Variants in PTPRD observed in about 807,000 individuals in gnomAD.
The protein encoded by PTPRD is receptor-type tyrosine-protein phosphatase delta.
A neutral mutation model predicts 214.5 loss-of-function variants in PTPRD; 34 were observed. The ratio of observed to expected loss-of-function variants is 0.16; its 90% confidence interval spans 0.12 to 0.21. The LOEUF (loss-of-function observed/expected upper bound fraction) is 0.21. PTPRD is among the 10% of genes least tolerant of loss of function. The pLI is 1.00. For synonymous variants in PTPRD, 1,128 were observed against 845.7 expected, an observed-to-expected ratio of 1.33 and a Z score of -5.79; for missense variants, 2,545 against 2,398.7, an observed-to-expected ratio of 1.06 and a Z score of -1.27.
At chr9:8,593,341 G>A (rs1016780946) in intron 14 of PTPRD, among the ~76,000 whole-genome samples, 2 of 152,172 alleles carry the variant, frequency 1.3e-5, no homozygotes, top group African/African-American at 4.8e-5. Flanking sequence ...GGACCATTCA[G>A]TTTTAATGCC....
chr9:10,399,024 T>G (rs1196917797), intron 2 of PTPRD, among the ~76,000 whole-genome samples: 3 of 151,994 alleles, frequency 2.0e-5, no homozygotes, highest in African/African-American at 7.2e-5. Flanking sequence ...TCAGACTGAT[T>G]TCTCTTCTGT....
intron 4 of PTPRD, among the ~76,000 whole-genome samples, chr9:9,986,903 T>A (rs201293309): frequency 8.1e-6 from 1 of 123,784 alleles, no homozygotes; most frequent in African/African-American, 2.9e-5. Context: ...ATATTTTTTT[T>A]TTACTGTAAT....
At chr9:8,561,557 C>T (rs895622864) in intron 14 of PTPRD, among the ~76,000 whole-genome samples, 4 of 152,092 alleles carry the variant, frequency 2.6e-5, no homozygotes, top group Non-Finnish European at 5.9e-5. Context: ...CGAGACTCAG[C>T]GGGCTGACTG....
At chr9:8,845,183 C>CCA (rs1555421752) in intron 11 of PTPRD, among the ~76,000 whole-genome samples, 19 of 73,888 alleles carry the variant, frequency 2.6e-4, no homozygotes, top group African/African-American at 8.1e-4. Context: ...AAAACAAAAA[C>CCA]AAAAAAAAAC....
In PTPRD at chr9:8,733,813, G is replaced by T. The variant is rs940459920; in HGVS notation, c.31C>A (p.Leu11Ile). 2 of 1,552,304 alleles carry T rather than the reference G, an allele frequency of 1.3e-6. No individual in the cohort carries two copies. Among genetic ancestry groups the T allele is most frequent in the African/African-American group, 2.7e-5 (2 of 73,134 alleles). The change falls in exon 12 of 46, where the codon CTC becomes ATC. Residue 11 changes from leucine (L) to isoleucine (I), a missense_variant. Transcript: ENST00000381196. MVHVARLLLL[L>I]LTFFLRTDAE... is the part of the protein sequence containing the mutation. ...TCCGTGCGGAGGAAGAAAGTGAGGA[G>T]CAGCAGCAGCAGCCTGGCTACGTGC...
At chr9:8,604,115 C>T (rs1342878787) in intron 14 of PTPRD, among the ~76,000 whole-genome samples, 4 of 152,168 alleles carry the variant, frequency 2.6e-5, no homozygotes, top group Non-Finnish European at 4.4e-5. Flanking sequence ...CTACTATGTG[C>T]CCAGTACTGT....
chr9:8,929,801 ATATATGTG>A (rs1567062245), intron 11 of PTPRD, among the ~76,000 whole-genome samples: 6 of 116,356 alleles, frequency 5.2e-5, no homozygotes, highest in African/African-American at 9.4e-5. Flanking sequence ...ATGTGTGTGT[ATATATGTG>A]TATATATATG....
chr9:9,940,026 A>G (rs1051861462), intron 4 of PTPRD, among the ~76,000 whole-genome samples: 1 of 152,166 alleles, frequency 6.6e-6, no homozygotes, highest in Non-Finnish European at 1.5e-5. Context: ...GGCACTTTCA[A>G]ATTAGGGTAA....
intron 8 of PTPRD, among the ~76,000 whole-genome samples, chr9:9,402,222 T>C (rs1348243180): frequency 2.6e-5 from 4 of 152,020 alleles, no homozygotes; most frequent in African/African-American, 9.7e-5. Context: ...AGTACAGAAA[T>C]GTCCAGTGGC....
intron 8 of PTPRD, among the ~76,000 whole-genome samples, chr9:9,486,474 T>C (rs2095642516): frequency 6.6e-6 from 1 of 152,200 alleles, no homozygotes; most frequent in Admixed American, 6.6e-5. Flanking sequence ...TCTTGAAATA[T>C]TTTCCCTTAG....
chr9:9,037,939 G>A (rs2099627141), intron 10 of PTPRD, among the ~76,000 whole-genome samples: 1 of 152,074 alleles, frequency 6.6e-6, no homozygotes. Flanking sequence ...ATGCAACTCT[G>A]GGAAAACTAA....
rs111771025 is a variant in PTPRD at position 9,200,501 on chromosome 9, G to A, written c.-202-17138C>T. Among the ~76,000 whole-genome samples the A allele has an allele frequency of 2.8e-3, 431 of 152,286 alleles. 1 individual carries two copies. The highest frequency in any genetic ancestry group is 9.9e-3 in the African/African-American group (412 of 41,562). ...TATATTTTGTTGATATTTTACACAT[G>A]TAATCTTATTTAATCCTACAACCCT... On this transcript the variant is annotated intron_variant, in intron 9 of 45. Coordinates refer to ENST00000381196, the MANE Select transcript of PTPRD (RefSeq NM_002839.4).
chr9:8,839,718 G>A (rs868621442), intron 11 of PTPRD, among the ~76,000 whole-genome samples: 6 of 152,106 alleles, frequency 3.9e-5, no homozygotes, highest in African/African-American at 1.4e-4. Context: ...GCAAAATATA[G>A]AAAAAGCTAC....
At chr9:10,535,092 C>A (rs533124764) in intron 2 of PTPRD, among the ~76,000 whole-genome samples, 1 of 152,224 alleles carries the variant, frequency 6.6e-6, no homozygotes, top group South Asian at 2.1e-4. Flanking sequence ...GCTTCAGCAG[C>A]CTGAATGTCA....
At position 9,944,130 on chromosome 9, in the gene PTPRD, T is replaced by C. The variant is rs77733520; in HGVS notation, c.-471-5520A>G. ...CAAGACAGAAAACCTTCCAGTGACG[T>C]TGGCTGAAGCCTTTGTTGAGATTGC... On this transcript the variant is annotated intron_variant, in intron 4 of 45. Coordinates refer to ENST00000381196, the MANE Select transcript of PTPRD (RefSeq NM_002839.4). 2.4e-3 allele frequency among the ~76,000 whole-genome samples: 372 copies of C among 152,276 alleles called. 3 individuals are homozygous for C. Among genetic ancestry groups the C allele is most frequent in the African/African-American group, 8.3e-3 (347 of 41,570 alleles).
chr9:10,534,253 G>A (rs1032225492), intron 2 of PTPRD, among the ~76,000 whole-genome samples: 1 of 151,666 alleles, frequency 6.6e-6, no homozygotes, highest in Non-Finnish European at 1.5e-5. Context: ...TACTCTATGG[G>A]ACCATCTTCC....
chr9:9,208,910 C>T (rs191188468), intron 9 of PTPRD, among the ~76,000 whole-genome samples: 27 of 152,058 alleles, frequency 1.8e-4, no homozygotes, highest in African/African-American at 6.3e-4. Flanking sequence ...CGGGTTCACG[C>T]CATTCTCTTG....
chr9:9,268,212 T>C (rs555933994), intron 9 of PTPRD, among the ~76,000 whole-genome samples: 2 of 151,202 alleles, frequency 1.3e-5, no homozygotes, highest in Non-Finnish European at 3.0e-5. Context: ...TGTTTCTGTA[T>C]ACTAAGAATG....
chr9:9,527,902 T>G (rs1045059856), intron 8 of PTPRD, among the ~76,000 whole-genome samples: 1 of 152,224 alleles, frequency 6.6e-6, no homozygotes, highest in Non-Finnish European at 1.5e-5. Context: ...AAGACTCTTC[T>G]GCCTTAAGCA....
Sources: gnomAD v4.1 joint callset for allele counts (sites outside exome capture counted in the v4.1 genomes callset) on GRCh38, gnomAD v4.1.1 for gene constraint, MANE v1.5 for transcripts, NCBI Gene and HGNC (gene_info 2026-07-23, HGNC 2026-07-21) for gene names.